Variants in ARHGAP5 observed in about 807,000 individuals in gnomAD.
The protein encoded by ARHGAP5 is Rho GTPase activating protein 5.
In ARHGAP5, 23 loss-of-function variants were observed where a neutral mutation model predicts 116.6. That is an observed-to-expected ratio of 0.20 (90% CI 0.14 to 0.28). ARHGAP5 has a LOEUF of 0.28. Among genes scored for constraint, ARHGAP5 ranks in the 10% least tolerant of loss-of-function variants. The pLI is 1.00. For missense variants in ARHGAP5, 1,405 were observed against 1,774.8 expected (o/e 0.79, Z 3.74); for synonymous variants, 574 against 602.0 (o/e 0.95, Z 0.68).
intron 2 of ARHGAP5, among the ~76,000 whole-genome samples, chr14:32,108,932 CAAAGT>C (rs1879152069): frequency 1.3e-5 from 2 of 152,036 alleles, no homozygotes; most frequent in Non-Finnish European, 2.9e-5. Context: ...CTTGACCTGA[CAAAGT>C]AAAGGAGATC....
At chr14:32,126,060 C>G (rs1258802455) in intron 3 of ARHGAP5, among the ~76,000 whole-genome samples, 2 of 152,108 alleles carry the variant, frequency 1.3e-5, no homozygotes, top group Non-Finnish European at 2.9e-5. Context: ...CCTTTACTTT[C>G]AAATCTGAAT....
At chr14:32,141,596 A>T (rs887467342) in intron 3 of ARHGAP5, among the ~76,000 whole-genome samples, 1 of 152,080 alleles carries the variant, frequency 6.6e-6, no homozygotes, top group Non-Finnish European at 1.5e-5. Context: ...TTCGTTATTT[A>T]TTTTTTTGTA....
rs142328579 is a variant in ARHGAP5, at chr14:32,150,883, A to G, written c.4075+850A>G. ...AGATGTTTCCACTAAACAGATATTC[A>G]TTTATCTGGAAAATGAGAACTAAAG... On this transcript the variant is annotated intron_variant, in intron 5 of 6. Transcript: ENST00000345122. 8.9e-3 allele frequency among the ~76,000 whole-genome samples: 1,352 copies of G among 152,264 alleles called. 13 individuals carry two copies. The highest frequency in any genetic ancestry group is 0.025 in the African/African-American group (1,020 of 41,556).
intron 1 of ARHGAP5, among the ~76,000 whole-genome samples, chr14:32,083,311 A>C (rs1373601105): frequency 6.6e-6 from 1 of 152,288 alleles, no homozygotes; most frequent in Non-Finnish European, 1.5e-5. Context: ...ATGAAATTCA[A>C]ATTTTCCTAA....
intron 3 of ARHGAP5, among the ~76,000 whole-genome samples, chr14:32,144,032 G>T (rs139169856): frequency 6.6e-6 from 1 of 152,154 alleles, no homozygotes. Flanking sequence ...CCACTGCACT[G>T]TGTGAAGAAC....
Position 32,094,003 on chromosome 14 carries a change from C to A in ARHGAP5, c.3334C>A (p.Pro1112Thr). 6.2e-7 allele frequency: 1 copy of A among 1,613,274 alleles called. No homozygotes were observed. Among genetic ancestry groups the A allele is most frequent in the Non-Finnish European group, 8.5e-7 (1 of 1,179,834 alleles). ...KGYSDEIYVV[P>T]DDSQNRIKIR... ...CTATTCTGATGAGATTTATGTTGTC[C>A]CAGATGATAGTCAAAATCGTATTAA... is the stretch of plus-strand genomic sequence containing the variant. Residue 1112 changes from proline to threonine, a missense_variant, in exon 2 of 7, where the codon CCA becomes ACA. Pro to Thr is a conservative substitution (Grantham distance 38, BLOSUM62 -1). Transcript: ENST00000345122.
intron 2 of ARHGAP5, among the ~76,000 whole-genome samples, chr14:32,094,722 G>A (rs1878437639): frequency 6.6e-6 from 1 of 151,786 alleles, no homozygotes. Context: ...TACCAGTTTT[G>A]CGGTATTAAT....
chr14:32,108,567 A>G (rs1879128802), intron 2 of ARHGAP5, among the ~76,000 whole-genome samples: 3 of 152,060 alleles, frequency 2.0e-5, no homozygotes, highest in Non-Finnish European at 2.9e-5. Flanking sequence ...CTGCTTCTCA[A>G]TTAAATGTGA....
intron 3 of ARHGAP5, among the ~76,000 whole-genome samples, chr14:32,137,124 G>A (rs1275334373): frequency 6.6e-6 from 1 of 151,428 alleles, no homozygotes; most frequent in Non-Finnish European, 1.5e-5. Flanking sequence ...TGCTCATGCT[G>A]TTGGTATCAT....
rs770766058 is a variant in ARHGAP5, at chr14:32,092,233, C to G, written c.1564C>G (p.Leu522Val). The G allele has an allele frequency of 1.9e-6, 3 of 1,613,252 alleles. No homozygotes were observed. In the South Asian group the frequency reaches 3.3e-5, roughly 18 times the overall value. Reference protein sequence around the residue: ...SDKMSEIHTVLSEEPRYKALQ... With the variant: ...SDKMSEIHTVVSEEPRYKALQ... ...TAAAATGAGTGAAATTCATACAGTT[C>G]TGAGTGAAGAACCTAGATATAAAGC... The change falls in exon 2 of 7, where the codon CTG (leucine) becomes GTG (valine). Residue 522 changes from leucine (L) to valine (V), a missense_variant. Leu to Val is a conservative substitution (Grantham distance 32, BLOSUM62 1). Around this residue, in one of 6 missense-constraint regions of ARHGAP5, gnomAD observed 944 missense variants for 1,095.3 expected, o/e 0.86. Coordinates refer to ENST00000345122, the MANE Select transcript of ARHGAP5 (RefSeq NM_001030055.2). This position sits in a 1 kb window ranked among gnomAD's most constrained non-coding sequence, Gnocchi z 4.1.
Position 32,146,273 on chromosome 14 carries a change from C to A in ARHGAP5, c.3876C>A (p.Thr1292=). Residue 1292 remains threonine (T), a synonymous_variant, in exon 4 of 7, where the codon ACC becomes ACA. Transcript: ENST00000345122. ...VEFIEDTGLC[T]EGLYRVSGNK... is the part of the protein sequence containing the mutation. ...TCTTTATTCTCTTAGGGTTATGTAC[C>A]GAAGGACTCTACCGTGTCAGCGGGA... The A allele has an allele frequency of 6.2e-7, 1 of 1,610,830 alleles. No homozygotes were observed. Among genetic ancestry groups the A allele is most frequent in the Non-Finnish European group, 8.5e-7 (1 of 1,177,244 alleles).
At chr14:32,127,840 C>T (rs1197145495) in intron 3 of ARHGAP5, among the ~76,000 whole-genome samples, 1 of 151,700 alleles carries the variant, frequency 6.6e-6, no homozygotes, top group Non-Finnish European at 1.5e-5. Context: ...ATGCTCCTCA[C>T]TTCCCAGACG....
In ARHGAP5 at chr14:32,159,271, G is replaced by T. The variant is rs1301526528; in HGVS notation, c.*4323G>T. ...CTTTTTGAGTAGCTGTCAAATAATT[G>T]TAGTTGAGAAACAACTTGTTTATTC... On this transcript the variant is annotated 3_prime_UTR_variant, in exon 7 of 7. Coordinates refer to ENST00000345122, the MANE Select transcript of ARHGAP5 (RefSeq NM_001030055.2). The T allele has an allele frequency of 1.3e-5, 2 of 152,050 alleles. No homozygotes were observed. The highest frequency in any genetic ancestry group is 6.6e-5 in the Admixed American group (1 of 15,262). 9.4% of individuals were successfully genotyped at this position (152,050 alleles called of 1,614,324 possible).
intron 3 of ARHGAP5, among the ~76,000 whole-genome samples, chr14:32,130,393 T>C (rs1391684906): frequency 6.6e-6 from 1 of 150,994 alleles, no homozygotes; most frequent in East Asian, 2.0e-4. Flanking sequence ...TTGGGTTTTT[T>C]TTTTTTTTTA....
chr14:32,124,810 T>A (rs1880058945), intron 3 of ARHGAP5, among the ~76,000 whole-genome samples: 1 of 152,164 alleles, frequency 6.6e-6, no homozygotes, highest in African/African-American at 2.4e-5. Flanking sequence ...TTGGTAATTG[T>A]CAGTGTCTAG....
rs1324126285 is a variant in ARHGAP5, at chr14:32,152,526, C to T, written c.4179C>T (p.Asn1393=). 6.5e-7 allele frequency: 1 copy of T among 1,531,298 alleles called. No individual in the cohort carries two copies. The highest frequency in any genetic ancestry group is 1.7e-4 in the Middle Eastern group (1 of 5,852). 94.9% of individuals were successfully genotyped at this position (1,531,298 alleles called of 1,614,324 possible). A position where few individuals can be genotyped will look rare whatever the true frequency, so the allele number is the denominator to read the frequency against. ...DVFRYVITHL[N]RVSQQHKINL... ...TCAGATACGTGATAACACATCTAAA[C>T]AGGTATTTTTATTTTTTTAGGGTTT... The change falls in exon 6 of 7, where the codon AAC becomes AAT. Residue 1393 remains asparagine (N), a splice_region_variant and synonymous_variant. Coordinates refer to ENST00000345122, the MANE Select transcript of ARHGAP5 (RefSeq NM_001030055.2).
chr14:32,083,015 T>C (rs2041793701), intron 1 of ARHGAP5, among the ~76,000 whole-genome samples: 2 of 152,264 alleles, frequency 1.3e-5, no homozygotes, highest in Admixed American at 1.3e-4. Flanking sequence ...GGGTCATAAC[T>C]TATATGTTCA....
At chr14:32,118,355 G>T (rs150079827) in intron 3 of ARHGAP5, among the ~76,000 whole-genome samples, 1,780 of 152,000 alleles carry the variant, frequency 0.012, 27 homozygotes, top group African/African-American at 0.04. Context: ...AAATTATCTG[G>T]GCATTGTGGT....
rs774941176 is a variant in ARHGAP5, at chr14:32,150,023, G to A, written c.4065G>A (p.Leu1355=). 2 of 1,590,702 alleles carry A rather than the reference G, an allele frequency of 1.3e-6. No homozygotes were observed. Among genetic ancestry groups the A allele is most frequent in the Non-Finnish European group, 1.7e-6 (2 of 1,171,506 alleles). The part of the protein sequence containing the change: ...LIPYSLHPEL[L]EAAKIPDKTE... ...CATATTCTCTTCATCCAGAACTATT[G>A]GAAGCAGCAAGTAAGTATAAACCTC... is the stretch of plus-strand genomic sequence containing the variant. The change falls in exon 5 of 7, where the codon TTG becomes TTA. Residue 1355 remains leucine (L), a synonymous_variant. Coordinates refer to ENST00000345122, the MANE Select transcript of ARHGAP5 (RefSeq NM_001030055.2).
Sources: allele counts gnomAD v4.1 joint callset (sites outside exome capture counted in the v4.1 genomes callset), GRCh38; gene constraint gnomAD v4.1.1; regional missense constraint gnomAD v4.1.1; non-coding constraint Gnocchi (gnomAD v3.1); transcripts MANE v1.5; gene names NCBI Gene and HGNC (gene_info 2026-07-23, HGNC 2026-07-21).